The following GLIS2 variants were observed in gnomAD, a reference collection of about 807,000 sequenced individuals.
GLIS2 encodes zinc finger protein GLIS2.
A neutral mutation model predicts 35.6 loss-of-function variants in GLIS2; 14 were observed. The ratio of observed to expected loss-of-function variants is 0.39; its 90% CI spans 0.26 to 0.61. The LOEUF (loss-of-function observed/expected upper bound fraction) is 0.61, where lower values mean the gene tolerates loss of function less well. Ranked by LOEUF, GLIS2 falls within the 20% of genes least tolerant of loss-of-function variation. GLIS2 has a pLI of 0.48. For missense variants in GLIS2, 675 were observed against 713.4 expected (o/e 0.95, Z 0.61); for synonymous variants, 368 against 325.1 (o/e 1.13, Z -1.42).
Position 4,320,466 on chromosome 16 carries a change from C to G in GLIS2, c.-67+4212C>G, listed in dbSNP as rs943581318. 6.6e-6 allele frequency among the ~76,000 whole-genome samples: 1 copy of G among 152,184 alleles called. No homozygotes were observed. The highest frequency in any genetic ancestry group is 2.4e-5 in the African/African-American group (1 of 41,444). The stretch of plus-strand genomic sequence containing the variant: ...CATTTGAGGGTTTGGCCCGAGGTCA[C>G]TCCCAATCGGGGAAGAACAGAGGGG... On this transcript the variant is annotated intron_variant, in intron 1 of 6. Transcript: ENST00000433375. This position sits in a 1 kb window ranked among gnomAD's most constrained non-coding sequence, Gnocchi z 5.6.
chr16:4,330,260 G>C (rs981864025), intron 1 of GLIS2, among the ~76,000 whole-genome samples: 6 of 152,104 alleles, frequency 3.9e-5, no homozygotes, highest in Admixed American at 3.9e-4. Flanking sequence ...CTGGGTGACT[G>C]AGAGACTCCA....
rs1200867780 is a variant in GLIS2, at chr16:4,332,972, AGG to A, written c.173-373_173-372del. ...CAGCCCGAACCTGCCACTTTACAGA[AGG>A]GAACACTGAGGCAGGAAGGGGCCTG... On this transcript the variant is annotated intron_variant, in intron 2 of 6. Transcript: ENST00000433375. The surrounding 1 kb of genome is among the most constrained non-coding windows in gnomAD (Gnocchi z 5.4). Among the ~76,000 whole-genome samples the A allele has an allele frequency of 6.6e-6, 1 of 152,192 alleles. No individual in the cohort carries two copies. The highest frequency in any genetic ancestry group is 2.4e-5 in the African/African-American group (1 of 41,448).
intron 1 of GLIS2, among the ~76,000 whole-genome samples, chr16:4,322,633 C>T (rs895504021): frequency 6.7e-6 from 1 of 150,002 alleles, no homozygotes; most frequent in African/African-American, 2.5e-5. Flanking sequence ...CCCCCCCCTA[C>T]ACTGTTTCTC....
chr16:4,315,547 C>T (rs2053297526), upstream of GLIS2: 1 of 152,170 alleles, frequency 6.6e-6, no homozygotes, highest in Admixed American at 6.5e-5. Flanking sequence ...TCCTCTGGGC[C>T]CGCGCGCCCG....
In GLIS2 at chr16:4,333,559, G is replaced by C. The variant is rs762420553; in HGVS notation, c.345+40G>C. ...GAGTTCCGGAGAGAGGGGTGGACTG[G>C]TTTCCTGGGGTTGCCATGACAAAGT... is the stretch of plus-strand genomic sequence containing the variant. On this transcript the variant is annotated intron_variant, in intron 3 of 6. Coordinates refer to ENST00000433375, the MANE Select transcript of GLIS2 (RefSeq NM_032575.3). 1.9e-6 allele frequency: 3 copies of C among 1,572,138 alleles called. No individual in the cohort carries two copies. The Admixed American group carries it at 5.3e-5, about 28-fold the overall frequency.
At chr16:4,325,627 G>A (rs1004857370) in intron 1 of GLIS2, among the ~76,000 whole-genome samples, 2 of 152,096 alleles carry the variant, frequency 1.3e-5, no homozygotes, top group African/African-American at 4.8e-5. Context: ...TCCTCTTTCT[G>A]TTAAATTAGA....
intron 2 of GLIS2, 125 bp from the exon 3 acceptor site, chr16:4,333,222 T>G: frequency 9.7e-7 from 1 of 1,032,118 alleles, no homozygotes; most frequent in Non-Finnish European, 1.5e-6. Context: ...GCTCCTCACA[T>G]TCGTGTGGTC....
chr16:4,319,086 G>T (rs1052316887), intron 1 of GLIS2, among the ~76,000 whole-genome samples: 19 of 152,192 alleles, frequency 1.2e-4, no homozygotes, highest in Non-Finnish European at 2.5e-4. Flanking sequence ...AGGCCCAGGG[G>T]TCTCTGGCAC....
intron 1 of GLIS2, among the ~76,000 whole-genome samples, chr16:4,322,944 TG>T (rs2053393692): frequency 6.6e-6 from 1 of 152,182 alleles, no homozygotes. Flanking sequence ...TCCTTCGCTC[TG>T]GGGACCCGGC....
At chr16:4,317,572 A>T (rs1441942472) in intron 1 of GLIS2, among the ~76,000 whole-genome samples, 16 of 151,840 alleles carry the variant, frequency 1.1e-4, no homozygotes, top group Non-Finnish European at 2.9e-5. Context: ...CAGCCCACAC[A>T]CCCATCCCGG....
intron 6 of GLIS2, 36 bp from the exon 7 acceptor site, chr16:4,336,689 C>A (rs772318749): frequency 7.7e-6 from 12 of 1,559,430 alleles, no homozygotes; most frequent in South Asian, 1.2e-5. Flanking sequence ...AGGGGAGAGA[C>A]CCCTCATGGC....
At chr16:4,327,620 C>A (rs1250556309) in intron 1 of GLIS2, among the ~76,000 whole-genome samples, 1 of 152,104 alleles carries the variant, frequency 6.6e-6, no homozygotes, top group Non-Finnish European at 1.5e-5. Flanking sequence ...GCTCGGGCTG[C>A]GGTCGGGCAC....
Position 4,337,655 on chromosome 16 carries a change from A to C in GLIS2, c.*131A>C. The C allele has an allele frequency of 7.5e-7, 1 of 1,341,866 alleles. No individual in the cohort carries two copies. Among genetic ancestry groups the C allele is most frequent in the Non-Finnish European group, 1.0e-6 (1 of 973,900 alleles). The allele number at this position is 1,341,866 out of a possible 1,614,324, so 83.1% of individuals were successfully genotyped here. On this transcript the variant is annotated 3_prime_UTR_variant, in exon 7 of 7. Coordinates refer to ENST00000433375, the MANE Select transcript of GLIS2 (RefSeq NM_032575.3). ...AGCCCCAGCCCAGCCCGCCGGGAGC[A>C]AGGATGGTGCTAGGTCATTCATGGC...
intron 3 of GLIS2, among the ~76,000 whole-genome samples, chr16:4,334,159 G>A (rs2053525479): frequency 6.6e-6 from 1 of 151,366 alleles, no homozygotes; most frequent in Admixed American, 6.6e-5. Flanking sequence ...GGCTGGTCTT[G>A]AACTCCTGAC....
intron 1 of GLIS2, among the ~76,000 whole-genome samples, chr16:4,326,218 C>G (rs948902247): frequency 6.6e-6 from 1 of 152,118 alleles, no homozygotes; most frequent in Non-Finnish European, 1.5e-5. Context: ...GCACTCCAGC[C>G]TGGGTGACAG....
rs984133330 is a variant in GLIS2, at chr16:4,320,916, G to A, written c.-67+4662G>A. On this transcript the variant is annotated intron_variant, in intron 1 of 6. Coordinates refer to ENST00000433375, the MANE Select transcript of GLIS2 (RefSeq NM_032575.3). The surrounding 1 kb of genome is among the most constrained non-coding windows in gnomAD (Gnocchi z 5.6). ...AGTGGTCACCCTGCTTGGTTCTAGG[G>A]CCACTGGGCCCCGAGGGCCTGGAGC... Among the ~76,000 whole-genome samples, 1 of 152,184 alleles carries A rather than the reference G, an allele frequency of 6.6e-6. No homozygotes were observed. The highest frequency in any genetic ancestry group is 1.5e-5 in the Non-Finnish European group (1 of 68,026).
chr16:4,320,412 G>T lies in GLIS2; in HGVS notation c.-67+4158G>T, dbSNP rs956365932. Among the ~76,000 whole-genome samples the T allele has an allele frequency of 6.6e-6, 1 of 152,056 alleles. No individual in the cohort carries two copies. The highest frequency in any genetic ancestry group is 1.5e-5 in the Non-Finnish European group (1 of 68,018). On this transcript the variant is annotated intron_variant, in intron 1 of 6. Transcript: ENST00000433375. This position sits in a 1 kb window ranked among gnomAD's most constrained non-coding sequence, Gnocchi z 5.6. Reference sequence around the variant, plus strand: ...CCTGGTAGTCAAGAGGTCGTCGGAGGCCGGTGGGGGGAAACTGAGGCTCTG... The same window carrying T: ...CCTGGTAGTCAAGAGGTCGTCGGAGTCCGGTGGGGGGAAACTGAGGCTCTG...
Position 4,332,582 on chromosome 16 carries a change from G to T in GLIS2, c.172+130G>T. On this transcript the variant is annotated intron_variant, in intron 2 of 6. Coordinates refer to ENST00000433375, the MANE Select transcript of GLIS2 (RefSeq NM_032575.3). The surrounding 1 kb of genome is among the most constrained non-coding windows in gnomAD (Gnocchi z 5.4). ...CTTCCGGTTCATGGGAAGCCCGCAC[G>T]CTTGTCCTTCCATCCGCCCAGCATC... The T allele has an allele frequency of 4.6e-6, 5 of 1,083,850 alleles. No individual in the cohort carries two copies. Among genetic ancestry groups the T allele is most frequent in the South Asian group, 2.8e-5 (2 of 70,624 alleles). The allele number at this position is 1,083,850 out of a possible 1,614,324, so 67.1% of individuals were successfully genotyped here.
intron 1 of GLIS2, among the ~76,000 whole-genome samples, chr16:4,321,937 G>T (rs945400894): frequency 2.0e-5 from 3 of 152,168 alleles, no homozygotes; most frequent in African/African-American, 7.2e-5. Flanking sequence ...AGCGGGGGTG[G>T]ACAGAGGCAA....
Sources: allele counts gnomAD v4.1 joint callset (sites outside exome capture counted in the v4.1 genomes callset), GRCh38; gene constraint gnomAD v4.1.1; non-coding constraint Gnocchi (gnomAD v3.1); transcripts MANE v1.5; gene names NCBI Gene and HGNC (gene_info 2026-07-23, HGNC 2026-07-21).